Variants in OXSR1 observed in about 807,000 individuals in gnomAD.
The protein encoded by OXSR1 is serine/threonine-protein kinase OSR1.
Under a neutral mutation model 79.8 loss-of-function variants are expected in OXSR1, and 24 were observed. The observed-to-expected ratio is 0.30, with a 90% CI of 0.22 to 0.42. OXSR1 has a LOEUF of 0.42. OXSR1 is among the 10% of genes least tolerant of loss of function. The probability of loss-of-function intolerance (pLI) is 1.00; values close to 1 mark genes in which losing one functional copy is unlikely to be tolerated. For missense variants in OXSR1, 430 were observed against 618.4 expected, an observed-to-expected ratio of 0.70 and a Z score of 3.23; for synonymous variants, 226 against 209.2, an observed-to-expected ratio of 1.08 and a Z score of -0.69.
Position 38,246,231 on chromosome 3 carries a change from G to A in OXSR1, c.1257+10G>A. 1 of 1,613,414 alleles carries A rather than the reference G, an allele frequency of 6.2e-7. No homozygotes were observed. Among genetic ancestry groups the A allele is most frequent in the Non-Finnish European group, 8.5e-7 (1 of 1,179,600 alleles). On this transcript the variant is annotated intron_variant, in intron 13 of 17. Transcript: ENST00000311806. The stretch of plus-strand genomic sequence containing the variant: ...AGCAAAAACAGCTCAGGTAAAGCCG[G>A]GGATATGGTTTCATGGTCACTCCTT...
At chr3:38,202,865 C>T (rs1018185926) in intron 4 of OXSR1, among the ~76,000 whole-genome samples, 3 of 152,174 alleles carry the variant, frequency 2.0e-5, no homozygotes, top group East Asian at 1.9e-4. Flanking sequence ...CCTTGGTAAG[C>T]GGTAATGTCA....
intron 9 of OXSR1, among the ~76,000 whole-genome samples, 197 bp downstream of exon 9, chr3:38,229,932 T>C (rs1349621029): frequency 6.6e-6 from 1 of 152,224 alleles, no homozygotes; most frequent in African/African-American, 2.4e-5. Flanking sequence ...TTTTTAAATA[T>C]TAGGTTAAAC....
At chr3:38,244,666 T>TGTGTGTGTGCGC (rs748851263) in intron 12 of OXSR1, among the ~76,000 whole-genome samples, 31 of 144,052 alleles carry the variant, frequency 2.2e-4, no homozygotes, top group South Asian at 6.7e-4. Flanking sequence ...TGTGTGTGTG[T>TGTGTGTGTGCGC]GCGTGCGCAT....
At chr3:38,247,236 A>C (rs1703159707) in intron 13 of OXSR1, among the ~76,000 whole-genome samples, 1 of 152,170 alleles carries the variant, frequency 6.6e-6, no homozygotes, top group Non-Finnish European at 1.5e-5. Flanking sequence ...TTTAGCCATA[A>C]AAAGACTGGA....
chr3:38,167,891 GTTT>G (rs10707866), intron 1 of OXSR1, among the ~76,000 whole-genome samples: 15 of 143,972 alleles, frequency 1.0e-4, no homozygotes, highest in African/African-American at 3.1e-4. Context: ...TAAAAGAAGA[GTTT>G]TTTTTTTTTT....
chr3:38,247,708 C>A lies in OXSR1; in HGVS notation c.1298C>A (p.Pro433Gln), dbSNP rs745902557. The stretch of plus-strand genomic sequence containing the variant: ...TCAGGTTCACAAGAAACCAAGATCC[C>A]AATCAGTCTAGTACTAAGATTAAGG... ...SGSGSQETKI[P>Q]ISLVLRLRNS... The change falls in exon 14 of 18, where the codon CCA (proline) becomes CAA (glutamine). Residue 433 changes from proline (P) to glutamine (Q), a missense_variant. Pro to Gln is a moderately conservative substitution (Grantham distance 76). Coordinates refer to ENST00000311806, the MANE Select transcript of OXSR1 (RefSeq NM_005109.3). 21 of 1,611,420 alleles carry A rather than the reference C, an allele frequency of 1.3e-5. 1 individual carries two copies. The highest frequency in any genetic ancestry group is 1.4e-5 in the Non-Finnish European group (17 of 1,177,966).
intron 10 of OXSR1, 113 bp downstream of exon 10, chr3:38,230,543 G>T: frequency 1.4e-6 from 1 of 730,386 alleles, no homozygotes; most frequent in Non-Finnish European, 2.4e-6. Context: ...GTTTTCTGTC[G>T]ATCCTTTCTA....
At chr3:38,228,040 A>G (rs1429712893) in intron 8 of OXSR1, among the ~76,000 whole-genome samples, 1 of 152,220 alleles carries the variant, frequency 6.6e-6, no homozygotes, top group East Asian at 1.9e-4. Flanking sequence ...GGTACAGCCT[A>G]CTGCATGCCT....
rs900019822 is a variant in OXSR1, at chr3:38,165,774, C to CGCGGCGGCG, written c.-91_-83dup. ...GCTGTTCCGAGACGATTGGTGGGGG[C>CGCGGCGGCG]GCGGCGGCGGCGGCGGCGGCTGTTG... is the stretch of plus-strand genomic sequence containing the variant. On this transcript the variant is annotated 5_prime_UTR_variant, in exon 1 of 18. Coordinates refer to ENST00000311806, the MANE Select transcript of OXSR1 (RefSeq NM_005109.3). The CGCGGCGGCG allele has an allele frequency of 1.1e-5, 11 of 1,008,718 alleles. No homozygotes were observed. Among genetic ancestry groups the CGCGGCGGCG allele is most frequent in the South Asian group, 4.4e-5 (3 of 68,892 alleles). 62.5% of individuals were successfully genotyped at this position (1,008,718 alleles called of 1,614,324 possible).
intron 15 of OXSR1, 151 bp from the exon 16 acceptor site, chr3:38,251,252 A>G: frequency 1.5e-6 from 1 of 678,438 alleles, no homozygotes; most frequent in East Asian, 2.5e-5. Context: ...AAGTCTTTGT[A>G]TGGAAGGAAG....
intron 3 of OXSR1, among the ~76,000 whole-genome samples, chr3:38,196,231 A>G (rs1702070246): frequency 6.6e-6 from 1 of 152,204 alleles, no homozygotes; most frequent in Non-Finnish European, 1.5e-5. Flanking sequence ...TAATTGGGTT[A>G]TTCAGTGATA....
upstream of OXSR1, chr3:38,164,978 C>T: frequency 6.6e-6 from 1 of 152,324 alleles, no homozygotes; most frequent in Non-Finnish European, 1.5e-5. Flanking sequence ...GCCGCTCCCT[C>T]AGGGTTTCTC....
chr3:38,223,457 T>G (rs1445443243), intron 6 of OXSR1, among the ~76,000 whole-genome samples: 1 of 151,448 alleles, frequency 6.6e-6, no homozygotes, highest in Non-Finnish European at 1.5e-5. Context: ...TTTTTTTTTT[T>G]TTGAGGTGGA....
intron 1 of OXSR1, 69 bp downstream of exon 1, chr3:38,166,015 C>T: frequency 1.4e-6 from 2 of 1,405,180 alleles, no homozygotes; most frequent in Non-Finnish European, 1.0e-6. Context: ...ACGTGGGGAG[C>T]CGCGGGAGCT....
chr3:38,205,923 A>G (rs1439925910), intron 4 of OXSR1, among the ~76,000 whole-genome samples: 1 of 152,136 alleles, frequency 6.6e-6, no homozygotes, highest in African/African-American at 2.4e-5. Context: ...CAGCTTTAAG[A>G]TTGCTTTTTA....
At position 38,244,637 on chromosome 3, in the gene OXSR1, C is replaced by CTGTG. The variant is rs112035003; in HGVS notation, c.1111-1411_1111-1408dup. Among the ~76,000 whole-genome samples, 503 of 99,494 alleles carry CTGTG rather than the reference C, an allele frequency of 5.1e-3. 3 individuals are homozygous for CTGTG. Among genetic ancestry groups the CTGTG allele is most frequent in the South Asian group, 9.8e-3 (19 of 1,948 alleles). The allele number at this position is 99,494 out of a possible 152,430, so 65.3% of individuals were successfully genotyped here. A position where few individuals can be genotyped will look rare whatever the true frequency, so the allele number is the denominator to read the frequency against. ...CTTTTTAAGGGTCAGTAATATTCCT[C>CTGTG]TGTGTGTGTGTGTGTGTGTGTGTGT... On this transcript the variant is annotated intron_variant, in intron 12 of 17. Transcript: ENST00000311806.
chr3:38,249,306 C>T (rs933643609), intron 14 of OXSR1, among the ~76,000 whole-genome samples: 2 of 152,166 alleles, frequency 1.3e-5, no homozygotes, highest in Non-Finnish European at 2.9e-5. Flanking sequence ...GTGATCATCA[C>T]TGTAACTGTA....
chr3:38,210,052 G>GTT (rs756035025), intron 4 of OXSR1, among the ~76,000 whole-genome samples: 1 of 144,698 alleles, frequency 6.9e-6, no homozygotes, highest in African/African-American at 2.5e-5. Context: ...TTCTAGGTTG[G>GTT]TTTTTTTTTT....
At chr3:38,218,896 A>G (rs1039133308) in intron 5 of OXSR1, among the ~76,000 whole-genome samples, 3 of 151,852 alleles carry the variant, frequency 2.0e-5, no homozygotes, top group Non-Finnish European at 4.4e-5. Flanking sequence ...AAAGGGGGGG[A>G]CCTTGTCTTC....
Sources: allele counts gnomAD v4.1 joint callset (sites outside exome capture counted in the v4.1 genomes callset), GRCh38; gene constraint gnomAD v4.1.1; transcripts MANE v1.5; gene names NCBI Gene and HGNC (gene_info 2026-07-23, HGNC 2026-07-21).